The following KATNIP variants were observed in gnomAD, a reference collection of about 807,000 sequenced individuals.
KATNIP encodes katanin interacting protein, also known as katanin-interacting protein.
Under a neutral mutation model 174.0 loss-of-function variants are expected in KATNIP, and 126 were observed. The observed-to-expected ratio is 0.72, with a 90% CI of 0.63 to 0.84. KATNIP has a LOEUF of 0.84. Among genes scored for constraint, KATNIP ranks in the 40% least tolerant of loss-of-function variants. The probability of loss-of-function intolerance (pLI) is 0.00; values close to 1 mark genes in which losing one functional copy is unlikely to be tolerated. For synonymous variants in KATNIP, 810 were observed against 835.7 expected (o/e 0.97, Z 0.53); for missense variants, 1,958 against 2,109.7 (o/e 0.93, Z 1.41).
chr16:27,574,207 C>A, intron 2 of KATNIP: 1 of 494,314 alleles, frequency 2.0e-6, no homozygotes, highest in Non-Finnish European at 3.7e-6. Flanking sequence ...ACAAATCATC[C>A]CAGATTTTAG....
At chr16:27,768,271 G>A (rs747157617) in intron 20 of KATNIP, among the ~76,000 whole-genome samples, 1 of 152,110 alleles carries the variant, frequency 6.6e-6, no homozygotes, top group Non-Finnish European at 1.5e-5. Context: ...AGTGGCCCTC[G>A]GGCAAATCAC....
At chr16:27,686,511 TG>T (rs2078530940) in intron 8 of KATNIP, among the ~76,000 whole-genome samples, 1 of 152,142 alleles carries the variant, frequency 6.6e-6, no homozygotes, top group Non-Finnish European at 1.5e-5. Context: ...AGCACGTAAT[TG>T]GTTTTTAGTT....
At chr16:27,771,717 G>T in intron 22 of KATNIP, 65 bp downstream of exon 22, 3 of 1,534,820 alleles carry the variant, frequency 2.0e-6, no homozygotes, top group Non-Finnish European at 2.7e-6. Context: ...GGCCGCAACT[G>T]CCCAGCCAGG....
intron 19 of KATNIP, 48 bp downstream of exon 19, chr16:27,761,638 G>C: frequency 6.6e-7 from 1 of 1,512,202 alleles, no homozygotes; most frequent in Non-Finnish European, 9.2e-7. Flanking sequence ...GGGTTTTGGG[G>C]ACATTGTTCT....
intron 13 of KATNIP, among the ~76,000 whole-genome samples, 161 bp from the exon 14 acceptor site, chr16:27,721,397 G>C (rs1314228483): frequency 1.3e-5 from 2 of 152,182 alleles, no homozygotes; most frequent in African/African-American, 4.8e-5. Context: ...GGGGTGATCT[G>C]AGTCCCCAGC....
At chr16:27,772,999 T>C (rs1225506374) in intron 22 of KATNIP, 100 bp from the exon 23 acceptor site, 4 of 672,906 alleles carry the variant, frequency 5.9e-6, no homozygotes, top group African/African-American at 5.5e-5. Flanking sequence ...CTCTCATTCA[T>C]CAACATAAAC....
At position 27,705,469 on chromosome 16, in the gene KATNIP, G is replaced by A. The variant is rs552757774; in HGVS notation, c.1389+1471G>A. Among the ~76,000 whole-genome samples, 3 of 152,188 alleles carry A rather than the reference G, an allele frequency of 2.0e-5. No homozygotes were observed. The South Asian group carries it at 6.2e-4, about 32-fold the overall frequency. On this transcript the variant is annotated intron_variant, in intron 12 of 27. Transcript: ENST00000261588. Reference sequence around the variant, plus strand: ...TGAGAGATTGTGTGACCTTAGACAAGCCTCTTAAGCTGTCTGGTCCTGGCT... The same window carrying A: ...TGAGAGATTGTGTGACCTTAGACAAACCTCTTAAGCTGTCTGGTCCTGGCT...
In KATNIP at chr16:27,749,976, G is replaced by A; in HGVS notation, c.3016G>A (p.Val1006Met). The stretch of plus-strand genomic sequence containing the variant: ...AATATTCAGTTCCAAGGGTGAACCG[G>A]TGCAGATTTCAAACATAAAAGCAGA... ...IEIFSSKGEP[V>M]QISNIKADPP... Residue 1006 changes from valine (V) to methionine (M), a missense_variant, in exon 16 of 28, where the codon GTG (valine) becomes ATG (methionine). Physicochemically the swap from Val to Met is conservative, Grantham distance 21. Coordinates refer to ENST00000261588, the MANE Select transcript of KATNIP (RefSeq NM_015202.5). The A allele has an allele frequency of 6.2e-7, 1 of 1,614,228 alleles. No individual in the cohort carries two copies.
intron 2 of KATNIP, among the ~76,000 whole-genome samples, chr16:27,600,039 C>T (rs542481461): frequency 9.8e-5 from 15 of 152,336 alleles, no homozygotes; most frequent in Admixed American, 7.2e-4. Context: ...TCATCGCCCC[C>T]GCCTCCCCCA....
chr16:27,768,937 G>A (rs1414663475), intron 20 of KATNIP, among the ~76,000 whole-genome samples: 1 of 152,224 alleles, frequency 6.6e-6, no homozygotes, highest in African/African-American at 2.4e-5. Flanking sequence ...TGTGGGCTAA[G>A]GTGTCGAGGA....
intron 15 of KATNIP, 73 bp downstream of exon 15, chr16:27,740,993 T>TC (rs5816442): frequency 1 from 1,418,924 of 1,418,930 alleles, 709,459 homozygotes; most frequent in Middle Eastern, 1. Flanking sequence ...GCCAGTTAGC[T>TC]CCTGGACCTC....
intron 6 of KATNIP, chr16:27,654,664 T>G: frequency 7.4e-7 from 1 of 1,351,986 alleles, no homozygotes; most frequent in Non-Finnish European, 9.8e-7. Flanking sequence ...CCCTTCTGAA[T>G]GCATGTGGAC....
At chr16:27,552,593 G>A (rs756473370) in intron 1 of KATNIP, among the ~76,000 whole-genome samples, 1 of 150,416 alleles carries the variant, frequency 6.6e-6, no homozygotes, top group Non-Finnish European at 1.5e-5. Flanking sequence ...CCAGCTGGTC[G>A]CAAACTCCTG....
intron 5 of KATNIP, among the ~76,000 whole-genome samples, chr16:27,639,506 G>A (rs1597024360): frequency 6.6e-6 from 1 of 152,166 alleles, no homozygotes; most frequent in South Asian, 2.1e-4. Flanking sequence ...GAACGTCATC[G>A]GCTCTTAGCA....
intron 5 of KATNIP, among the ~76,000 whole-genome samples, chr16:27,631,727 G>C (rs142732164): frequency 1.2e-3 from 182 of 152,244 alleles, no homozygotes; most frequent in African/African-American, 4.3e-3. Flanking sequence ...GTCCCATCAT[G>C]ATGACTCATT....
At chr16:27,625,048 G>T (rs188209022) in intron 3 of KATNIP, among the ~76,000 whole-genome samples, 111 of 152,272 alleles carry the variant, frequency 7.3e-4, no homozygotes, top group Admixed American at 2.1e-3. Flanking sequence ...TTTAGATAGG[G>T]CAGGAGAGGA....
chr16:27,690,356 A>AGAT (rs748125188), intron 8 of KATNIP, among the ~76,000 whole-genome samples: 16 of 111,618 alleles, frequency 1.4e-4, no homozygotes, highest in African/African-American at 2.4e-4. Context: ...ATAGATAGAT[A>AGAT]GATAGATGAT....
At chr16:27,739,209 C>T (rs1012555361) in intron 14 of KATNIP, among the ~76,000 whole-genome samples, 2 of 151,940 alleles carry the variant, frequency 1.3e-5, no homozygotes, top group Admixed American at 6.6e-5. Context: ...GAGAGAGAGG[C>T]GAGGGACAGC....
chr16:27,656,512 C>T (rs2077292214), intron 6 of KATNIP, among the ~76,000 whole-genome samples: 2 of 147,928 alleles, frequency 1.4e-5, no homozygotes, highest in Non-Finnish European at 3.0e-5. Flanking sequence ...AAAGAAATAA[C>T]ACAATAGCAA....
Sources: allele counts gnomAD v4.1 joint callset (sites outside exome capture counted in the v4.1 genomes callset), GRCh38; gene constraint gnomAD v4.1.1; transcripts MANE v1.5; gene names NCBI Gene and HGNC (gene_info 2026-07-23, HGNC 2026-07-21).